The following RPS6KA2 variants were observed in gnomAD, a reference collection of about 807,000 sequenced individuals.
RPS6KA2 encodes the protein ribosomal protein S6 kinase alpha-2.
Under a neutral mutation model 91.8 loss-of-function variants are expected in RPS6KA2, and 42 were observed. That is an observed-to-expected ratio of 0.46 (90% CI 0.36 to 0.59). The LOEUF (loss-of-function observed/expected upper bound fraction) is 0.59. Among genes scored for constraint, RPS6KA2 ranks in the 20% least tolerant of loss-of-function variants. The pLI, the probability that RPS6KA2 is intolerant of heterozygous loss-of-function variation, is 0.00. For missense variants in RPS6KA2, 798 were observed against 978.5 expected (o/e 0.82, Z 2.46); for synonymous variants, 414 against 393.6 (o/e 1.05, Z -0.61).
At chr6:166,689,054 T>C (rs1193752501) in intron 2 of RPS6KA2, among the ~76,000 whole-genome samples, 1 of 152,244 alleles carries the variant, frequency 6.6e-6, no homozygotes, top group Non-Finnish European at 1.5e-5. Context: ...AAGGGGAACC[T>C]CCTGCCGAAG....
chr6:166,819,137 C>A (rs1392414526), intron 2 of RPS6KA2, among the ~76,000 whole-genome samples: 2 of 152,146 alleles, frequency 1.3e-5, no homozygotes, highest in African/African-American at 4.8e-5. Context: ...AGTCTTCATG[C>A]CAACCTTAGC....
At chr6:166,793,142 C>A (rs1460271286) in intron 2 of RPS6KA2, among the ~76,000 whole-genome samples, 1 of 152,092 alleles carries the variant, frequency 6.6e-6, no homozygotes, top group East Asian at 1.9e-4. Flanking sequence ...AAGCTGATAA[C>A]CAACTTCAGC....
rs1482971008 is a variant in RPS6KA2, at chr6:166,448,302, C to T, written c.1332+422G>A. On this transcript the variant is annotated intron_variant, in intron 14 of 20. Transcript: ENST00000265678. This position sits in a 1 kb window ranked among gnomAD's most constrained non-coding sequence, Gnocchi z 4.7. ...TACCTGTCCCCCAACTCTGTTTTCT[C>T]AAAATACTGGGGGCCCAAAACTTTT... Among the ~76,000 whole-genome samples, 1 of 152,134 alleles carries T rather than the reference C, an allele frequency of 6.6e-6. No homozygotes were observed. Among genetic ancestry groups the T allele is most frequent in the Non-Finnish European group, 1.5e-5 (1 of 68,042 alleles).
intron 2 of RPS6KA2, among the ~76,000 whole-genome samples, chr6:166,744,251 C>T (rs994952239): frequency 1.1e-4 from 17 of 152,242 alleles, no homozygotes; most frequent in African/African-American, 3.9e-4. Flanking sequence ...GATGCAGTGG[C>T]CTCTGGGGGC....
At chr6:166,791,385 A>G (rs958691330) in intron 2 of RPS6KA2, among the ~76,000 whole-genome samples, 2 of 152,146 alleles carry the variant, frequency 1.3e-5, no homozygotes, top group African/African-American at 4.8e-5. Context: ...GTGACCTACA[A>G]AGAGACTTAG....
At chr6:166,449,873 GC>G (rs1562500910) in intron 13 of RPS6KA2, among the ~76,000 whole-genome samples, 23 of 63,878 alleles carry the variant, frequency 3.6e-4, no homozygotes, top group South Asian at 2.3e-3. Context: ...GAACCACCAC[GC>G]GGACCACCAT....
chr6:166,738,544 C>T (rs1790729501), intron 2 of RPS6KA2, among the ~76,000 whole-genome samples: 1 of 152,206 alleles, frequency 6.6e-6, no homozygotes, highest in Non-Finnish European at 1.5e-5. Context: ...TGCACAGTAC[C>T]TTGGAGGCAG....
At chr6:166,717,804 G>A (rs1383420712) in intron 2 of RPS6KA2, among the ~76,000 whole-genome samples, 1 of 151,800 alleles carries the variant, frequency 6.6e-6, no homozygotes, top group Non-Finnish European at 1.5e-5. Context: ...TAGATTTTTC[G>A]CCGATGATTG....
At position 166,662,844 on chromosome 6, in the gene RPS6KA2, G is replaced by C. The variant is rs548421628; in HGVS notation, c.124-124060C>G. ...GAATTCCATTAAATGAGGCCTCGGA[G>C]TGGGTGCTTATCCGCTCTGACTGCT... On this transcript the variant is annotated intron_variant, in intron 2 of 21. Coordinates refer to the RPS6KA2 transcript ENST00000503859. The surrounding 1 kb of genome is among the most constrained non-coding windows in gnomAD (Gnocchi z 4.3). Among the ~76,000 whole-genome samples, 8 of 152,184 alleles carry C rather than the reference G, an allele frequency of 5.3e-5. No homozygotes were observed. The highest frequency in any genetic ancestry group is 1.0e-4 in the Non-Finnish European group (7 of 68,030).
intron 3 of RPS6KA2, among the ~76,000 whole-genome samples, chr6:166,512,774 C>T (rs889579632): frequency 1.3e-5 from 2 of 152,258 alleles, no homozygotes; most frequent in Admixed American, 1.3e-4. Context: ...GCCTAAGAAA[C>T]CTGTGCAGTG....
At chr6:166,618,811 AGTT>A (rs1219677274) in intron 1 of RPS6KA2, among the ~76,000 whole-genome samples, 3 of 152,282 alleles carry the variant, frequency 2.0e-5, no homozygotes, top group East Asian at 1.9e-4. Flanking sequence ...TCCCTCCATC[AGTT>A]GTTGTTCTGC....
intron 3 of RPS6KA2, among the ~76,000 whole-genome samples, chr6:166,521,816 G>T (rs537044598): frequency 6.6e-6 from 1 of 152,318 alleles, no homozygotes; most frequent in African/African-American, 2.4e-5. Flanking sequence ...GGGGTGGAAC[G>T]CCATAGACTG....
chr6:166,847,146 A>C (rs1041809663), intron 2 of RPS6KA2, among the ~76,000 whole-genome samples: 1 of 151,930 alleles, frequency 6.6e-6, no homozygotes, highest in African/African-American at 2.4e-5. Flanking sequence ...CAAATCAAGA[A>C]CTCAACCCCT....
intron 1 of RPS6KA2, among the ~76,000 whole-genome samples, chr6:166,606,786 G>A (rs1785969507): frequency 6.6e-6 from 1 of 152,118 alleles, no homozygotes; most frequent in African/African-American, 2.4e-5. Flanking sequence ...CCATAAGGAG[G>A]CACCACTTCA....
intron 2 of RPS6KA2, among the ~76,000 whole-genome samples, chr6:166,783,782 A>G (rs200680577): frequency 1.4e-5 from 2 of 139,330 alleles, no homozygotes; most frequent in South Asian, 4.4e-4. Context: ...ACATCTATCT[A>G]TAACTACATA....
At chr6:166,444,212 C>T (rs903206645) in intron 14 of RPS6KA2, among the ~76,000 whole-genome samples, 2 of 152,108 alleles carry the variant, frequency 1.3e-5, no homozygotes, top group Admixed American at 1.3e-4. Context: ...TTCAAATACA[C>T]CTCTCCCCTT....
intron 2 of RPS6KA2, among the ~76,000 whole-genome samples, chr6:166,755,792 A>G (rs2128600813): frequency 6.6e-6 from 1 of 152,322 alleles, no homozygotes; most frequent in East Asian, 1.9e-4. Flanking sequence ...TTTAAATCAG[A>G]GCAAACAACT....
chr6:166,540,915 G>T (rs1460929673), intron 1 of RPS6KA2, among the ~76,000 whole-genome samples: 1 of 152,220 alleles, frequency 6.6e-6, no homozygotes, highest in Non-Finnish European at 1.5e-5. Context: ...ATGGAAACAT[G>T]TATGCTATCT....
intron 2 of RPS6KA2, among the ~76,000 whole-genome samples, chr6:166,740,026 T>C (rs563073550): frequency 3.0e-4 from 46 of 152,372 alleles, no homozygotes; most frequent in Middle Eastern, 6.8e-3. Context: ...GCCTGTGCTA[T>C]GCACACACAC....
Sources: gnomAD v4.1 joint callset for allele counts (sites outside exome capture counted in the v4.1 genomes callset) on GRCh38, gnomAD v4.1.1 for gene constraint, Gnocchi (gnomAD v3.1) non-coding constraint, MANE v1.5 for transcripts, NCBI Gene and HGNC (gene_info 2026-07-23, HGNC 2026-07-21) for gene names.